PLXDC2: variants seen among roughly 807,000 people sequenced by gnomAD.
PLXDC2 encodes plexin domain containing 2.
Under a neutral mutation model 68.9 loss-of-function variants are expected in PLXDC2, and 40 were observed. That is an observed-to-expected ratio of 0.58 (90% CI 0.45 to 0.76). The LOEUF is 0.76. Ranked by LOEUF, PLXDC2 falls within the 30% of genes least tolerant of loss-of-function variation. The pLI, the probability that PLXDC2 is intolerant of heterozygous loss-of-function variation, is 0.00. For synonymous variants in PLXDC2, 243 were observed against 234.2 expected (o/e 1.04, Z -0.34); for missense variants, 644 against 661.9 (o/e 0.97, Z 0.30).
At chr10:19,932,858 T>C (rs893708320) in intron 1 of PLXDC2, among the ~76,000 whole-genome samples, 6 of 152,190 alleles carry the variant, frequency 3.9e-5, no homozygotes, top group Non-Finnish European at 8.8e-5. Flanking sequence ...CTTTGAGATA[T>C]ACAGAATGAA....
intron 1 of PLXDC2, among the ~76,000 whole-genome samples, chr10:19,953,420 C>T (rs966882037): frequency 3.9e-5 from 6 of 152,172 alleles, no homozygotes; most frequent in African/African-American, 7.2e-5. Context: ...TAAGTTCACA[C>T]GTGCTTGTTT....
chr10:19,908,668 G>A (rs867334843), intron 1 of PLXDC2, among the ~76,000 whole-genome samples: 1 of 152,082 alleles, frequency 6.6e-6, no homozygotes, highest in Non-Finnish European at 1.5e-5. Context: ...GATTGTGTTT[G>A]TATTTCTCAG....
At chr10:19,936,991 TTTCAATTTAGATGTTTGATG>T (rs1833736063) in intron 1 of PLXDC2, among the ~76,000 whole-genome samples, 3 of 152,202 alleles carry the variant, frequency 2.0e-5, no homozygotes, top group Admixed American at 1.3e-4. Flanking sequence ...CTTTTTATCT[TTTCAATTTAGATGTTTGATG>T]TTCCTATTGA....
chr10:19,890,012 G>A (rs1326631452), intron 1 of PLXDC2, among the ~76,000 whole-genome samples: 4 of 152,066 alleles, frequency 2.6e-5, no homozygotes, highest in Admixed American at 6.5e-5. Flanking sequence ...GCAGTCTCGC[G>A]TTTCAGGGCC....
At chr10:20,162,059 AGAGAGAGAGAGAGAAGGAAG>A (rs1340160620) in intron 6 of PLXDC2, among the ~76,000 whole-genome samples, 38 of 122,678 alleles carry the variant, frequency 3.1e-4, no homozygotes, top group South Asian at 1.5e-3. Context: ...AGAGAGAGAG[AGAGAGAGAGAGAGAAGGAAG>A]GAAGGAAGGA....
chr10:20,138,998 T>C (rs1287005177), intron 4 of PLXDC2, among the ~76,000 whole-genome samples: 1 of 152,208 alleles, frequency 6.6e-6, no homozygotes, highest in South Asian at 2.1e-4. Context: ...CAGAATAATA[T>C]TTTTTCAGAT....
intron 3 of PLXDC2, among the ~76,000 whole-genome samples, chr10:20,063,812 C>T (rs1836147777): frequency 6.6e-6 from 1 of 152,064 alleles, no homozygotes; most frequent in South Asian, 2.1e-4. Flanking sequence ...ATGTAGGTGC[C>T]ATAAATTTAC....
chr10:20,067,203 C>T lies in PLXDC2; in HGVS notation c.472-967C>T, dbSNP rs566266269. The stretch of plus-strand genomic sequence containing the variant: ...GAGTTAAATATTAAGAGCTAAAGTT[C>T]GTGGCCCCATTTTAGGAAAACAAAG... On this transcript the variant is annotated intron_variant, in intron 3 of 13. Coordinates refer to ENST00000377252, the MANE Select transcript of PLXDC2 (RefSeq NM_032812.9). Among the ~76,000 whole-genome samples the T allele has an allele frequency of 3.0e-3, 460 of 152,150 alleles. 2 individuals carry two copies. The highest frequency in any genetic ancestry group is 0.011 in the African/African-American group (436 of 41,504).
chr10:20,185,342 G>A (rs771428584), intron 9 of PLXDC2, among the ~76,000 whole-genome samples: 1 of 151,784 alleles, frequency 6.6e-6, no homozygotes, highest in South Asian at 2.1e-4. Context: ...CATACCAAGG[G>A]AATTCCTAGC....
intron 3 of PLXDC2, among the ~76,000 whole-genome samples, chr10:20,055,987 A>C (rs936139676): frequency 6.6e-6 from 1 of 152,114 alleles, no homozygotes; most frequent in Non-Finnish European, 1.5e-5. Context: ...TTTGTTTAAA[A>C]AATAGTAGGG....
chr10:19,867,571 C>G (rs1323118969), intron 1 of PLXDC2, among the ~76,000 whole-genome samples: 1 of 152,160 alleles, frequency 6.6e-6, no homozygotes, highest in Non-Finnish European at 1.5e-5. Context: ...TGCTCCCTGA[C>G]TCCTCAAGGC....
intron 1 of PLXDC2, among the ~76,000 whole-genome samples, chr10:19,992,730 C>G (rs1045586726): frequency 1.3e-5 from 2 of 152,186 alleles, no homozygotes; most frequent in Non-Finnish European, 2.9e-5. Flanking sequence ...GTATTACTTT[C>G]TGCTCCGTTT....
chr10:20,217,680 C>T lies in PLXDC2; in HGVS notation c.1273+104C>T. Reference sequence around the variant, plus strand: ...CATGTACTGGAATAGCTCCTACTCTCTAGGTCTCTCTAAAGTTATTCTTTG... The same window carrying T: ...CATGTACTGGAATAGCTCCTACTCTTTAGGTCTCTCTAAAGTTATTCTTTG... On this transcript the variant is annotated intron_variant, in intron 11 of 13. Coordinates refer to ENST00000377252, the MANE Select transcript of PLXDC2 (RefSeq NM_032812.9). 7.9e-6 allele frequency: 10 copies of T among 1,272,136 alleles called. No homozygotes were observed. In the African/African-American group the frequency reaches 1.3e-4, roughly 17 times the overall value. 78.8% of individuals were successfully genotyped at this position (1,272,136 alleles called of 1,614,324 possible).
intron 2 of PLXDC2, among the ~76,000 whole-genome samples, chr10:20,003,490 T>G (rs1452647318): frequency 1.3e-5 from 2 of 152,152 alleles, no homozygotes; most frequent in Non-Finnish European, 2.9e-5. Flanking sequence ...TGGAGTGCAG[T>G]GGCATGATCT....
At position 20,174,874 on chromosome 10, in the gene PLXDC2, G is replaced by C. The variant is rs114889586; in HGVS notation, c.884-2125G>C. Among the ~76,000 whole-genome samples, 1,410 of 152,148 alleles carry C rather than the reference G, an allele frequency of 9.3e-3. 17 individuals carry two copies. The highest frequency in any genetic ancestry group is 0.029 in the African/African-American group (1,223 of 41,494). On this transcript the variant is annotated intron_variant, in intron 7 of 13. Transcript: ENST00000377252. ...ATTTGACAGCCTCTGCAAGTTCTCG[G>C]ATGAGTAGGTATCTTCCTTTTCTGA...
chr10:20,264,194 C>A (rs1223555339), intron 13 of PLXDC2, among the ~76,000 whole-genome samples: 1 of 152,192 alleles, frequency 6.6e-6, no homozygotes, highest in Admixed American at 6.5e-5. Flanking sequence ...GGCTATCATC[C>A]TTAGCAAACT....
intron 4 of PLXDC2, among the ~76,000 whole-genome samples, chr10:20,123,376 G>A (rs919953021): frequency 2.0e-5 from 3 of 152,162 alleles, no homozygotes; most frequent in African/African-American, 4.8e-5. Flanking sequence ...GGACCGATGT[G>A]TAAAAGAATG....
chr10:20,277,890 G>A (rs574080990), intron 13 of PLXDC2, among the ~76,000 whole-genome samples: 1 of 152,200 alleles, frequency 6.6e-6, no homozygotes, highest in African/African-American at 2.4e-5. Flanking sequence ...CTATCTCCAT[G>A]AGTTTAATTG....
chr10:20,012,766 G>T (rs1835141937), intron 2 of PLXDC2, among the ~76,000 whole-genome samples: 1 of 152,122 alleles, frequency 6.6e-6, no homozygotes, highest in South Asian at 2.1e-4. Flanking sequence ...AGAAAAGATG[G>T]TAACGTTTAG....
Sources: allele counts gnomAD v4.1 joint callset (sites outside exome capture counted in the v4.1 genomes callset), GRCh38; gene constraint gnomAD v4.1.1; transcripts MANE v1.5; gene names NCBI Gene and HGNC (gene_info 2026-07-23, HGNC 2026-07-21).